ERBB4: variants seen among roughly 807,000 people sequenced by gnomAD.
ERBB4 encodes receptor tyrosine-protein kinase erbB-4.
Under a neutral mutation model 158.0 loss-of-function variants are expected in ERBB4, and 42 were observed. The observed-to-expected ratio is 0.27, with a 90% CI of 0.21 to 0.34. The LOEUF (loss-of-function observed/expected upper bound fraction) is 0.34, where lower values mean the gene tolerates loss of function less well. Ranked by LOEUF, ERBB4 falls within the 10% of genes least tolerant of loss-of-function variation. ERBB4 has a pLI of 1.00. For missense variants in ERBB4, 1,333 were observed against 1,624.1 expected (o/e 0.82, Z 3.08); for synonymous variants, 583 against 558.7 (o/e 1.04, Z -0.61).
intron 1 of ERBB4, among the ~76,000 whole-genome samples, chr2:212,436,054 T>A (rs897295994): frequency 1.3e-5 from 2 of 151,760 alleles, no homozygotes; most frequent in Non-Finnish European, 2.9e-5. Context: ...ATTATAACCA[T>A]AAAAGCAGGA....
intron 1 of ERBB4, among the ~76,000 whole-genome samples, chr2:212,191,886 CATGTT>C (rs1235491290): frequency 7.1e-6 from 1 of 141,226 alleles, no homozygotes; most frequent in South Asian, 2.1e-4. Flanking sequence ...ACATATGTTA[CATGTT>C]ATATATTATA....
chr2:211,990,295 ATAGT>A (rs1189251536), intron 2 of ERBB4, among the ~76,000 whole-genome samples: 2 of 151,956 alleles, frequency 1.3e-5, no homozygotes, highest in Non-Finnish European at 2.9e-5. Context: ...GGGGATTAAG[ATAGT>A]TAGGTCTGTA....
intron 3 of ERBB4, among the ~76,000 whole-genome samples, chr2:211,795,784 A>C (rs563324178): frequency 6.6e-6 from 1 of 151,974 alleles, no homozygotes; most frequent in South Asian, 2.1e-4. Context: ...GTCAGAATGA[A>C]GTCAACGAGC....
At chr2:212,181,639 T>C (rs1008003668) in intron 1 of ERBB4, among the ~76,000 whole-genome samples, 1 of 151,796 alleles carries the variant, frequency 6.6e-6, no homozygotes, top group African/African-American at 2.4e-5. Context: ...GCTTCATGAC[T>C]GACAATTATG....
chr2:211,383,270 G>T lies in ERBB4; in HGVS notation c.*345C>A. The stretch of plus-strand genomic sequence containing the variant: ...AAAAAAAAAAAAAAAAGAAGAGGAA[G>T]AAAGAAACAAAGAAAGAAAAAGAAA... On this transcript the variant is annotated 3_prime_UTR_variant, in exon 28 of 28. Transcript: ENST00000342788. 7.5e-6 allele frequency: 2 copies of T among 267,314 alleles called. No homozygotes were observed. Among genetic ancestry groups the T allele is most frequent in the East Asian group, 5.7e-5 (1 of 17,482 alleles). 16.6% of individuals were successfully genotyped at this position (267,314 alleles called of 1,614,324 possible). A position where few individuals can be genotyped will look rare whatever the true frequency, so the allele number is the denominator to read the frequency against.
chr2:212,437,492 CAA>C lies in ERBB4; in HGVS notation c.82+100955_82+100956del, dbSNP rs10714742. Among the ~76,000 whole-genome samples, 1,080 of 127,542 alleles carry C rather than the reference CAA, an allele frequency of 8.5e-3. 9 individuals carry two copies. The highest frequency in any genetic ancestry group is 0.024 in the African/African-American group (895 of 36,992). The allele number at this position is 127,542 out of a possible 152,430, so 83.7% of individuals were successfully genotyped here. A position where few individuals can be genotyped will look rare whatever the true frequency, so the allele number is the denominator to read the frequency against. ...TGCTACTTATATTCATGTTCTGATA[CAA>C]AAAAAAAAAAAAAGGAAGATTGGTC... On this transcript the variant is annotated intron_variant, in intron 1 of 27. Transcript: ENST00000342788.
At chr2:211,398,445 C>T (rs532475420) in intron 25 of ERBB4, among the ~76,000 whole-genome samples, 6 of 152,200 alleles carry the variant, frequency 3.9e-5, no homozygotes, top group African/African-American at 1.4e-4. Context: ...ATTATGGTAC[C>T]ATTTCTTGAC....
At chr2:211,680,735 CTG>C (rs941804849) in intron 12 of ERBB4, among the ~76,000 whole-genome samples, 1 of 152,114 alleles carries the variant, frequency 6.6e-6, no homozygotes, top group Non-Finnish European at 1.5e-5. Context: ...CTATGGTAAA[CTG>C]TGTAAAAATT....
At chr2:211,655,380 T>C (rs2071172992) in intron 16 of ERBB4, among the ~76,000 whole-genome samples, 2 of 152,194 alleles carry the variant, frequency 1.3e-5, no homozygotes. Flanking sequence ...TTGAGTGATT[T>C]CTAAGCCAGG....
At chr2:212,366,732 CT>C (rs1262427103) in intron 1 of ERBB4, among the ~76,000 whole-genome samples, 1 of 151,940 alleles carries the variant, frequency 6.6e-6, no homozygotes, top group Non-Finnish European at 1.5e-5. Flanking sequence ...TTAAAAATGT[CT>C]CTGCTTTTAA....
intron 24 of ERBB4, 147 bp from the exon 25 acceptor site, chr2:211,420,758 C>T (rs1333494975): frequency 1.4e-6 from 1 of 719,164 alleles, no homozygotes; most frequent in East Asian, 2.7e-5. Flanking sequence ...AGCACAACCA[C>T]CGGCCATTAA....
chr2:212,332,459 C>T (rs1464844125), intron 1 of ERBB4, among the ~76,000 whole-genome samples: 1 of 151,996 alleles, frequency 6.6e-6, no homozygotes, highest in African/African-American at 2.4e-5. Flanking sequence ...TGAAAAATGC[C>T]TCTATAAGCC....
At chr2:211,547,503 C>G (rs2066975085) in intron 20 of ERBB4, among the ~76,000 whole-genome samples, 1 of 152,008 alleles carries the variant, frequency 6.6e-6, no homozygotes, top group Admixed American at 6.6e-5. Context: ...AAATATATAT[C>G]ACAACTTCCT....
At chr2:211,655,766 G>A (rs1033329770) in intron 16 of ERBB4, among the ~76,000 whole-genome samples, 1 of 152,004 alleles carries the variant, frequency 6.6e-6, no homozygotes, top group Non-Finnish European at 1.5e-5. Flanking sequence ...TTAGGCCTTC[G>A]GCACTCTCTC....
intron 1 of ERBB4, among the ~76,000 whole-genome samples, chr2:212,175,820 C>T (rs2081647640): frequency 6.6e-6 from 1 of 151,842 alleles, no homozygotes; most frequent in Admixed American, 6.6e-5. Context: ...TTCCAGGGTA[C>T]TTAGAGATCA....
intron 5 of ERBB4, among the ~76,000 whole-genome samples, chr2:211,741,924 T>C (rs2074813956): frequency 6.6e-6 from 1 of 152,186 alleles, no homozygotes; most frequent in Non-Finnish European, 1.5e-5. Flanking sequence ...CGGTAAATTA[T>C]TGGGGCACTT....
At chr2:211,455,226 A>T (rs2064351417) in intron 20 of ERBB4, among the ~76,000 whole-genome samples, 1 of 152,266 alleles carries the variant, frequency 6.6e-6, no homozygotes, top group Non-Finnish European at 1.5e-5. Context: ...GAAACACAAA[A>T]TTTAGCATTG....
chr2:212,176,752 T>C (rs1025511695), intron 1 of ERBB4, among the ~76,000 whole-genome samples: 9 of 152,038 alleles, frequency 5.9e-5, no homozygotes, highest in South Asian at 2.1e-4. Flanking sequence ...ATTGAACATC[T>C]CCTTTTATAA....
At chr2:211,888,898 A>G (rs1042578667) in intron 3 of ERBB4, among the ~76,000 whole-genome samples, 32 of 151,644 alleles carry the variant, frequency 2.1e-4, no homozygotes, top group African/African-American at 7.8e-4. Context: ...GGAGGGTCCT[A>G]CGCCCACGGA....
Sources: gnomAD v4.1 joint callset for allele counts (sites outside exome capture counted in the v4.1 genomes callset) on GRCh38, gnomAD v4.1.1 for gene constraint, MANE v1.5 for transcripts, NCBI Gene and HGNC (gene_info 2026-07-23, HGNC 2026-07-21) for gene names.